The following SPTAN1 variants were observed in gnomAD, a reference collection of about 807,000 sequenced individuals.
The protein encoded by SPTAN1 is spectrin alpha, non-erythrocytic 1, also known as spectrin alpha chain, non-erythrocytic 1.
In SPTAN1, 61 loss-of-function variants were observed where a neutral mutation model predicts 331.3. The ratio of observed to expected loss-of-function variants is 0.18; its 90% CI spans 0.15 to 0.23. The LOEUF (loss-of-function observed/expected upper bound fraction) is 0.23, where lower values mean the gene tolerates loss of function less well. Ranked by LOEUF, SPTAN1 falls within the 10% of genes least tolerant of loss-of-function variation. The pLI is 1.00. For missense variants in SPTAN1, 2,043 were observed against 3,147.9 expected (o/e 0.65, Z 8.40); for synonymous variants, 1,153 against 1,173.9 (o/e 0.98, Z 0.36).
intron 3 of SPTAN1, among the ~76,000 whole-genome samples, chr9:128,571,359 C>A (rs1009234669): frequency 1.3e-5 from 2 of 150,636 alleles, no homozygotes; most frequent in South Asian, 2.1e-4. Context: ...CTGAGATGGG[C>A]GGATCATCTG....
At position 128,627,738 on chromosome 9, in the gene SPTAN1, A is replaced by C; in HGVS notation, c.6690-187A>C. The C allele has an allele frequency of 2.4e-6, 2 of 833,244 alleles. No homozygotes were observed. Among genetic ancestry groups the C allele is most frequent in the Non-Finnish European group, 4.1e-6 (2 of 485,288 alleles). 51.6% of individuals were successfully genotyped at this position (833,244 alleles called of 1,614,324 possible). On this transcript the variant is annotated intron_variant, in intron 50 of 56. Transcript: ENST00000372739. The surrounding 1 kb of genome is among the most constrained non-coding windows in gnomAD (Gnocchi z 4.9). The stretch of plus-strand genomic sequence containing the variant: ...TGTTAGAGATCCCGGATTGAGTGGG[A>C]CCATGCAGGGCGCGTGGTCAGCCCC...
intron 21 of SPTAN1, among the ~76,000 whole-genome samples, chr9:128,591,204 G>A (rs1293771710): frequency 1.3e-5 from 2 of 151,966 alleles, no homozygotes; most frequent in African/African-American, 4.8e-5. Flanking sequence ...TGGGGCTACA[G>A]GTGCCCACCA....
intron 15 of SPTAN1, 124 bp from the exon 16 acceptor site, chr9:128,583,664 G>A (rs1852217930): frequency 2.9e-6 from 3 of 1,040,666 alleles, no homozygotes; most frequent in Admixed American, 2.0e-5. Context: ...TTCTCTTTGT[G>A]ACATAAGTGA....
At chr9:128,617,914 T>G in intron 42 of SPTAN1, 73 bp from the exon 43 acceptor site, 1 of 1,613,122 alleles carries the variant, frequency 6.2e-7, no homozygotes, top group Non-Finnish European at 8.5e-7. Flanking sequence ...TGTTGAGGCC[T>G]TTTCCTGGGA....
At position 128,629,573 on chromosome 9, in the gene SPTAN1, C is replaced by G. The variant is rs1365490774; in HGVS notation, c.6708-748C>G. The stretch of plus-strand genomic sequence containing the variant: ...GCCACACGCACCGTGTGATTCGTCC[C>G]TGCACGTAACCCTAACTCGTTTGTT... On this transcript the variant is annotated intron_variant, in intron 51 of 56. Coordinates refer to ENST00000372739, the MANE Select transcript of SPTAN1 (RefSeq NM_001130438.3). The surrounding 1 kb of genome is among the most constrained non-coding windows in gnomAD (Gnocchi z 4.9). 1 of 185,484 alleles carries G rather than the reference C, an allele frequency of 5.4e-6. No homozygotes were observed. The highest frequency in any genetic ancestry group is 2.3e-5 in the African/African-American group (1 of 42,614). The allele number at this position is 185,484 out of a possible 1,614,324, so 11.5% of individuals were successfully genotyped here. A position where few individuals can be genotyped will look rare whatever the true frequency, so the allele number is the denominator to read the frequency against.
intron 31 of SPTAN1, 34 bp from the exon 32 acceptor site, chr9:128,607,569 TA>T (rs1856052965): frequency 6.5e-7 from 1 of 1,535,926 alleles, no homozygotes; most frequent in Middle Eastern, 1.7e-4. Context: ...TACCAGGTAA[TA>T]TAATAGCTAT....
intron 24 of SPTAN1, among the ~76,000 whole-genome samples, chr9:128,595,362 A>C (rs141928816): frequency 0.031 from 4,752 of 152,226 alleles, 249 homozygotes; most frequent in African/African-American, 0.11. Context: ...TGCCCACCTC[A>C]GCTTCCCAAG....
At chr9:128,598,295 T>A in intron 24 of SPTAN1, 105 bp from the exon 25 acceptor site, 1 of 811,580 alleles carries the variant, frequency 1.2e-6, no homozygotes, top group African/African-American at 1.7e-5. Flanking sequence ...TTGGTAGGCC[T>A]CTGTAGAAGA....
Position 128,577,223 on chromosome 9 carries a change from C to T in SPTAN1, c.880C>T (p.Leu294Phe). ...GRDLASVQALLRKHEGLERDL... is the reference protein window; with the variant it reads ...GRDLASVQALFRKHEGLERDL... Reference sequence around the variant, plus strand: ...AGACCTGGCAAGTGTTCAGGCTCTGCTTCGGAAGCACGAGGGTCTGGAGAG... The same window carrying T: ...AGACCTGGCAAGTGTTCAGGCTCTGTTTCGGAAGCACGAGGGTCTGGAGAG... The change falls in exon 7 of 57, where the codon CTT (leucine) becomes TTT (phenylalanine). Residue 294 changes from leucine (L) to phenylalanine (F), a missense_variant. Physicochemically the swap from Leu to Phe is conservative, Grantham distance 22. Coordinates refer to ENST00000372739, the MANE Select transcript of SPTAN1 (RefSeq NM_001130438.3). The surrounding 1 kb of genome is among the most constrained non-coding windows in gnomAD (Gnocchi z 4.2). 1 of 1,614,184 alleles carries T rather than the reference C, an allele frequency of 6.2e-7. No individual in the cohort carries two copies. The highest frequency in any genetic ancestry group is 8.5e-7 in the Non-Finnish European group (1 of 1,180,032).
At chr9:128,626,328 C>T (rs2131962705) in intron 48 of SPTAN1, 63 bp from the exon 49 acceptor site, 1 of 1,596,052 alleles carries the variant, frequency 6.3e-7, no homozygotes, top group Non-Finnish European at 8.5e-7. Context: ...CACCCCACCT[C>T]CTGCACTGCG....
Position 128,625,113 on chromosome 9 carries a change from G to A in SPTAN1, c.6003G>A (p.Glu2001=). 6 of 1,614,170 alleles carry A rather than the reference G, an allele frequency of 3.7e-6. No individual in the cohort carries two copies. The highest frequency in any genetic ancestry group is 5.1e-6 in the Non-Finnish European group (6 of 1,180,026). ...DVVESWIGEK[E]NSLKTDDYGR... ...CACTTCGTTTTCTAGGTGAAAAGGA[G>A]AACAGCTTGAAGACAGATGATTATG... Residue 2001 remains glutamate (E), a synonymous_variant, in exon 47 of 57, where the codon GAG becomes GAA. Coordinates refer to ENST00000372739, the MANE Select transcript of SPTAN1 (RefSeq NM_001130438.3). This position sits in a 1 kb window ranked among gnomAD's most constrained non-coding sequence, Gnocchi z 4.1.
Position 128,584,503 on chromosome 9 carries a change from C to A in SPTAN1, c.2415C>A (p.Pro805=). ...AGACGTGGATTCGAGAGAAAGAGCC[C>A]ATTGCCGCATCTACCAACAGAGGTC... ...DEETWIREKE[P]IAASTNRGKD... is the part of the protein sequence containing the mutation. The change falls in exon 17 of 57, where the codon CCC becomes CCA. Residue 805 remains proline (P), a synonymous_variant. Coordinates refer to ENST00000372739, the MANE Select transcript of SPTAN1 (RefSeq NM_001130438.3). The A allele has an allele frequency of 1.2e-6, 2 of 1,614,122 alleles. No individual in the cohort carries two copies. Among genetic ancestry groups the A allele is most frequent in the Non-Finnish European group, 1.7e-6 (2 of 1,180,026 alleles).
intron 25 of SPTAN1, 30 bp downstream of exon 25, chr9:128,598,534 T>A (rs1315161207): frequency 1.3e-6 from 2 of 1,519,898 alleles, no homozygotes; most frequent in South Asian, 2.3e-5. Flanking sequence ...AGTGAGGCTC[T>A]GTTGCTGTAA....
intron 44 of SPTAN1, among the ~76,000 whole-genome samples, chr9:128,620,266 G>A (rs1857675207): frequency 6.6e-6 from 1 of 152,214 alleles, no homozygotes; most frequent in Non-Finnish European, 1.5e-5. Context: ...AATCGAGTTA[G>A]CTTTGAGCCA....
chr9:128,633,513 C>A lies in SPTAN1; in HGVS notation c.*179C>A. 8.5e-7 allele frequency: 1 copy of A among 1,169,930 alleles called. No homozygotes were observed. Among genetic ancestry groups the A allele is most frequent in the Non-Finnish European group, 1.2e-6 (1 of 806,766 alleles). The allele number at this position is 1,169,930 out of a possible 1,614,324, so 72.5% of individuals were successfully genotyped here. A position where few individuals can be genotyped will look rare whatever the true frequency, so the allele number is the denominator to read the frequency against. ...CGGTCCAGTCACAATCATCATGTCA[C>A]TGTGGGGACCCAGATCTGTGTCTTG... On this transcript the variant is annotated 3_prime_UTR_variant, in exon 57 of 57. Coordinates refer to ENST00000372739, the MANE Select transcript of SPTAN1 (RefSeq NM_001130438.3).
intron 1 of SPTAN1, among the ~76,000 whole-genome samples, chr9:128,558,411 T>C (rs1204157113): frequency 1.3e-5 from 2 of 152,180 alleles, no homozygotes; most frequent in Non-Finnish European, 2.9e-5. Flanking sequence ...CTTAAACATA[T>C]AGAGAATATA....
intron 1 of SPTAN1, among the ~76,000 whole-genome samples, chr9:128,564,843 C>T (rs1849829403): frequency 6.6e-6 from 1 of 152,158 alleles, no homozygotes; most frequent in South Asian, 2.1e-4. Context: ...ACAAAGGAAG[C>T]ATGTGCACAT....
intron 4 of SPTAN1, among the ~76,000 whole-genome samples, 192 bp downstream of exon 4, chr9:128,575,007 G>A (rs1212937639): frequency 6.8e-6 from 1 of 147,578 alleles, no homozygotes; most frequent in Non-Finnish European, 1.5e-5. Flanking sequence ...GCCTGGAGTC[G>A]CTGAGACAGA....
At chr9:128,565,769 A>T (rs1849959695) in intron 1 of SPTAN1, among the ~76,000 whole-genome samples, 2 of 152,222 alleles carry the variant, frequency 1.3e-5, no homozygotes, top group African/African-American at 4.8e-5. Context: ...ACACAATTTT[A>T]TACCTTTTAT....
Sources: gnomAD v4.1 joint callset for allele counts (sites outside exome capture counted in the v4.1 genomes callset) on GRCh38, gnomAD v4.1.1 for gene constraint, Gnocchi (gnomAD v3.1) non-coding constraint, MANE v1.5 for transcripts, NCBI Gene and HGNC (gene_info 2026-07-23, HGNC 2026-07-21) for gene names.